KLF12: variants seen among roughly 807,000 people sequenced by gnomAD.
KLF12 encodes KLF transcription factor 12, also known as Krueppel-like factor 12.
A neutral mutation model predicts 37.8 loss-of-function variants in KLF12; 9 were observed. That is an observed-to-expected ratio of 0.24 (90% CI 0.14 to 0.42). The LOEUF (loss-of-function observed/expected upper bound fraction) is 0.42. Ranked by LOEUF, KLF12 falls within the 10% of genes least tolerant of loss-of-function variation. KLF12 has a pLI of 1.00. For missense variants in KLF12, 411 were observed against 516.0 expected (o/e 0.80, Z 1.97); for synonymous variants, 208 against 202.1 (o/e 1.03, Z -0.25).
intron 1 of KLF12, among the ~76,000 whole-genome samples, chr13:74,119,245 T>A (rs536699041): frequency 6.6e-6 from 1 of 151,318 alleles, no homozygotes; most frequent in African/African-American, 2.4e-5. Context: ...AGGCAGAGAA[T>A]CACTTGAACT....
intron 3 of KLF12, among the ~76,000 whole-genome samples, chr13:73,884,322 G>A (rs1037498625): frequency 1.3e-5 from 2 of 151,976 alleles, no homozygotes; most frequent in Non-Finnish European, 2.9e-5. Flanking sequence ...GCGCAAATAC[G>A]GCCCACAAAA....
At chr13:74,215,282 C>T in the KLF12 span, among the ~76,000 whole-genome samples, 1,554 of 152,008 alleles carry the variant, frequency 0.01, 30 homozygotes, top group African/African-American at 0.034. Context: ...TATCTTCCTA[C>T]ACTTCTATTA....
At chr13:74,141,560 C>T in the KLF12 span, among the ~76,000 whole-genome samples, 1 of 152,022 alleles carries the variant, frequency 6.6e-6, no homozygotes, top group Non-Finnish European at 1.5e-5. Flanking sequence ...AACAAGAAAT[C>T]GAAAAATAAG....
At chr13:73,862,201 A>C in intron 3 of KLF12, among the ~76,000 whole-genome samples, 1 of 152,072 alleles carries the variant, frequency 6.6e-6, no homozygotes, top group East Asian at 1.9e-4. Flanking sequence ...TGCTACTGTT[A>C]GCTAAATCTA....
intron 4 of KLF12, among the ~76,000 whole-genome samples, chr13:73,839,677 A>C (rs1220417532): frequency 6.6e-6 from 1 of 152,204 alleles, no homozygotes; most frequent in African/African-American, 2.4e-5. Context: ...CCTAAACAGG[A>C]AGAATTATAG....
Position 73,865,701 on chromosome 13 carries a change from TAG to T in KLF12, c.124-19330_124-19329del, listed in dbSNP as rs199744620. Among the ~76,000 whole-genome samples the T allele has an allele frequency of 2.9e-3, 447 of 152,302 alleles. 1 individual carries two copies. Among genetic ancestry groups the T allele is most frequent in the African/African-American group, 0.01 (416 of 41,578 alleles). Reference sequence around the variant, plus strand: ...AAAATAAGAACAAATTAAAAATTTTTAGAGTTATCCAACATGTACTTTAAAAT... The same window carrying T: ...AAAATAAGAACAAATTAAAAATTTTTAGTTATCCAACATGTACTTTAAAAT... On this transcript the variant is annotated intron_variant, in intron 3 of 7. Coordinates refer to ENST00000377669, the MANE Select transcript of KLF12 (RefSeq NM_007249.5).
intron 1 of KLF12, among the ~76,000 whole-genome samples, chr13:74,018,236 C>T (rs1892750650): frequency 6.6e-6 from 1 of 152,112 alleles, no homozygotes; most frequent in Non-Finnish European, 1.5e-5. Context: ...CATGATCTCA[C>T]TCACATGTGG....
At position 73,686,507 on chromosome 13, in the gene KLF12, G is replaced by T. The variant is rs1208567322; in HGVS notation, c.*8983C>A. ...AAACACTACAGAGTATATAAATGCA[G>T]AGGAAACTATTGGGAAATTAGGTCT... On this transcript the variant is annotated 3_prime_UTR_variant, in exon 8 of 8. Coordinates refer to ENST00000377669, the MANE Select transcript of KLF12 (RefSeq NM_007249.5). 2 of 152,744 alleles carry T rather than the reference G, an allele frequency of 1.3e-5. No homozygotes were observed. Among genetic ancestry groups the T allele is most frequent in the South Asian group, 2.1e-4 (1 of 4,828 alleles). 9.5% of individuals were successfully genotyped at this position (152,744 alleles called of 1,614,324 possible). A position where few individuals can be genotyped will look rare whatever the true frequency, so the allele number is the denominator to read the frequency against.
chr13:74,269,885 C>A, the KLF12 span, among the ~76,000 whole-genome samples: 1 of 152,168 alleles, frequency 6.6e-6, no homozygotes, highest in African/African-American at 2.4e-5. Flanking sequence ...AGACAATATC[C>A]AGTCATTTTG....
At chr13:73,832,748 A>C (rs977554602) in intron 4 of KLF12, among the ~76,000 whole-genome samples, 4 of 152,222 alleles carry the variant, frequency 2.6e-5, no homozygotes, top group African/African-American at 7.2e-5. Context: ...TGTGGTACAA[A>C]TAAAAGTAGC....
At chr13:73,927,736 C>T (rs1302887647) in intron 3 of KLF12, among the ~76,000 whole-genome samples, 2 of 145,980 alleles carry the variant, frequency 1.4e-5, no homozygotes, top group Non-Finnish European at 3.0e-5. Context: ...TGCCACCACA[C>T]CCGGCTAAAT....
At chr13:73,757,153 C>G (rs77116972) in intron 6 of KLF12, among the ~76,000 whole-genome samples, 2 of 152,098 alleles carry the variant, frequency 1.3e-5, no homozygotes, top group Non-Finnish European at 2.9e-5. Context: ...AAAAAAAGAA[C>G]TTCATCTGAT....
At chr13:74,081,672 TTC>T (rs1406759510) in intron 1 of KLF12, among the ~76,000 whole-genome samples, 2 of 152,196 alleles carry the variant, frequency 1.3e-5, no homozygotes, top group South Asian at 2.1e-4. Flanking sequence ...ATAAAATCTA[TTC>T]TGTTTTATTG....
chr13:74,200,905 G>T, the KLF12 span, among the ~76,000 whole-genome samples: 1 of 151,968 alleles, frequency 6.6e-6, no homozygotes, highest in African/African-American at 2.4e-5. Flanking sequence ...TTCCCTTTTG[G>T]TTCTGGAGCC....
chr13:73,862,838 T>C (rs1281912010), intron 3 of KLF12, among the ~76,000 whole-genome samples: 1 of 152,184 alleles, frequency 6.6e-6, no homozygotes, highest in Non-Finnish European at 1.5e-5. Context: ...GAGATAAAGT[T>C]ACTCTGTGTT....
At chr13:73,846,467 C>A in intron 3 of KLF12, 94 bp from the exon 4 acceptor site, 1 of 1,125,070 alleles carries the variant, frequency 8.9e-7, no homozygotes, top group African/African-American at 1.6e-5. Flanking sequence ...TACTTTTTCT[C>A]TTATTGCTAT....
chr13:74,205,871 G>A, the KLF12 span, among the ~76,000 whole-genome samples: 1 of 152,058 alleles, frequency 6.6e-6, no homozygotes, highest in Non-Finnish European at 1.5e-5. Context: ...TTATAGTAGG[G>A]AGAGAAAATT....
chr13:74,280,839 T>C, the KLF12 span, among the ~76,000 whole-genome samples: 1 of 148,612 alleles, frequency 6.7e-6, no homozygotes, highest in Non-Finnish European at 1.5e-5. Context: ...TTTTTTTTTT[T>C]TTGCCAAGGA....
intron 1 of KLF12, among the ~76,000 whole-genome samples, chr13:74,080,894 GTCTC>G (rs570048439): frequency 6.6e-6 from 1 of 152,260 alleles, no homozygotes; most frequent in South Asian, 2.1e-4. Context: ...AGCCCTTTAA[GTCTC>G]TCTCTCTACA....
Sources: allele counts gnomAD v4.1 joint callset (sites outside exome capture counted in the v4.1 genomes callset), GRCh38; gene constraint gnomAD v4.1.1; transcripts MANE v1.5; gene names NCBI Gene and HGNC (gene_info 2026-07-23, HGNC 2026-07-21).